The following VKORC1L1 variants were observed in gnomAD, a reference collection of about 807,000 sequenced individuals.
VKORC1L1 encodes the protein vitamin K epoxide reductase complex subunit 1-like protein 1.
A neutral mutation model predicts 18.9 loss-of-function variants in VKORC1L1; 2 were observed. The ratio of observed to expected loss-of-function variants is 0.11; its 90% CI spans 0.04 to 0.33. VKORC1L1 has a LOEUF of 0.33. VKORC1L1 is among the 10% of genes least tolerant of loss of function. VKORC1L1 has a pLI of 1.00. For synonymous variants in VKORC1L1, 96 were observed against 100.0 expected, an observed-to-expected ratio of 0.96 and a Z score of 0.24; for missense variants, 123 against 224.1, an observed-to-expected ratio of 0.55 and a Z score of 2.88.
At chr7:65,940,876 G>A (rs760818500) in intron 1 of VKORC1L1, among the ~76,000 whole-genome samples, 12 of 152,168 alleles carry the variant, frequency 7.9e-5, no homozygotes, top group East Asian at 1.9e-4. Context: ...TATTTTCTAC[G>A]GAATTGAGCC....
chr7:65,918,940 C>T (rs1789630896), intron 1 of VKORC1L1, among the ~76,000 whole-genome samples: 1 of 152,002 alleles, frequency 6.6e-6, no homozygotes, highest in Admixed American at 6.6e-5. Flanking sequence ...ACTAAAAATA[C>T]AAAAGTAATC....
chr7:65,911,844 T>A lies in VKORC1L1; in HGVS notation c.195-36827T>A, dbSNP rs185433536. Reference sequence around the variant, plus strand: ...TTGTGGTTTTGCTCTGATAGGCATTTTGCTCTGACTGGATGATTGTATCAT... The same window carrying A: ...TTGTGGTTTTGCTCTGATAGGCATTATGCTCTGACTGGATGATTGTATCAT... On this transcript the variant is annotated intron_variant, in intron 1 of 2. Coordinates refer to ENST00000360768, the MANE Select transcript of VKORC1L1 (RefSeq NM_173517.6). 2.6e-5 allele frequency among the ~76,000 whole-genome samples: 4 copies of A among 152,350 alleles called. No individual in the cohort carries two copies. The East Asian group carries it at 7.7e-4, about 29-fold the overall frequency.
intron 1 of VKORC1L1, among the ~76,000 whole-genome samples, chr7:65,898,836 A>G (rs902112528): frequency 2.6e-5 from 4 of 152,018 alleles, no homozygotes; most frequent in African/African-American, 7.3e-5. Context: ...TACTTCCCCT[A>G]CCCTTGGCAG....
chr7:65,938,800 G>A (rs1266534986), intron 1 of VKORC1L1, among the ~76,000 whole-genome samples: 3 of 152,292 alleles, frequency 2.0e-5, no homozygotes, highest in Admixed American at 6.5e-5. Context: ...CCTTGAAACA[G>A]CGAAGCCTTG....
intron 1 of VKORC1L1, among the ~76,000 whole-genome samples, chr7:65,895,504 TATATATATATATAC>T (rs1430839047): frequency 1.5e-4 from 14 of 92,246 alleles, no homozygotes; most frequent in Non-Finnish European, 2.2e-4. Context: ...TATATATATA[TATATATATATATAC>T]ACACACACAC....
chr7:65,947,891 A>G (rs1246314308), intron 1 of VKORC1L1, among the ~76,000 whole-genome samples: 1 of 152,108 alleles, frequency 6.6e-6, no homozygotes, highest in Non-Finnish European at 1.5e-5. Flanking sequence ...GGGTTTCACC[A>G]TGCTGGCCAG....
intron 1 of VKORC1L1, among the ~76,000 whole-genome samples, chr7:65,944,783 G>C (rs1790090038): frequency 6.6e-6 from 1 of 151,914 alleles, no homozygotes; most frequent in African/African-American, 2.4e-5. Flanking sequence ...CAGGCACGGT[G>C]GTGGATGCCT....
chr7:65,902,851 TTTTATTTA>T lies in VKORC1L1; in HGVS notation c.194+29310_194+29317del, dbSNP rs147563570. Among the ~76,000 whole-genome samples the T allele has an allele frequency of 8.1e-4, 123 of 151,196 alleles. 1 individual carries two copies. The highest frequency in any genetic ancestry group is 2.6e-3 in the African/African-American group (107 of 41,236). On this transcript the variant is annotated intron_variant, in intron 1 of 2. Transcript: ENST00000360768. ...AAATACAATTGAGAGACATCTTTAA[TTTTATTTA>T]TTTATTTATTTATTTATTTATTTTG...
At chr7:65,944,157 T>G (rs1790080366) in intron 1 of VKORC1L1, among the ~76,000 whole-genome samples, 1 of 151,762 alleles carries the variant, frequency 6.6e-6, no homozygotes, top group South Asian at 2.1e-4. Context: ...CACTTGAATC[T>G]AGAAGATGAG....
intron 1 of VKORC1L1, among the ~76,000 whole-genome samples, chr7:65,881,321 A>G (rs1163033476): frequency 1.3e-5 from 2 of 152,242 alleles, no homozygotes; most frequent in African/African-American, 4.8e-5. Context: ...ATTTTAATAT[A>G]TTAGAGACAA....
intron 1 of VKORC1L1, among the ~76,000 whole-genome samples, chr7:65,895,590 C>T (rs1248943650): frequency 7.2e-6 from 1 of 138,684 alleles, no homozygotes; most frequent in African/African-American, 2.6e-5. Flanking sequence ...ATAGGCTTTT[C>T]AAAACTTGAT....
chr7:65,878,919 AAAATT>A (rs1369441408), intron 1 of VKORC1L1, among the ~76,000 whole-genome samples: 1 of 152,202 alleles, frequency 6.6e-6, no homozygotes, highest in African/African-American at 2.4e-5. Flanking sequence ...AAAAAAAAGA[AAAATT>A]AAATTCTTGT....
chr7:65,909,737 T>TGTGA (rs1491345250), intron 1 of VKORC1L1, among the ~76,000 whole-genome samples: 173 of 145,266 alleles, frequency 1.2e-3, no homozygotes, highest in Admixed American at 4.5e-3. Flanking sequence ...TGTGTGTGTG[T>TGTGA]GACGGAGGCT....
intron 1 of VKORC1L1, among the ~76,000 whole-genome samples, chr7:65,881,204 T>G (rs1788922398): frequency 6.6e-6 from 1 of 152,228 alleles, no homozygotes; most frequent in African/African-American, 2.4e-5. Flanking sequence ...GAATCCCTGT[T>G]CTCTGTCAAT....
At chr7:65,899,541 T>C (rs180909999) in intron 1 of VKORC1L1, among the ~76,000 whole-genome samples, 159 of 152,294 alleles carry the variant, frequency 1.0e-3, no homozygotes, top group Non-Finnish European at 2.0e-3. Context: ...GAAGGACAAA[T>C]TGAAATGACT....
chr7:65,928,749 A>G (rs1346893606), intron 1 of VKORC1L1, among the ~76,000 whole-genome samples: 1 of 152,156 alleles, frequency 6.6e-6, no homozygotes. Context: ...TCTTGAGTAA[A>G]TGGGGTGGAG....
rs71051319 is a variant in VKORC1L1, at chr7:65,898,077, G to GTTTTT, written c.194+24537_194+24541dup. ...CAGTCATACAGTAAATTTGTAGCAGGTTTTTTTTTTTTTTTTTTTTTTTTT... is the reference window on the plus strand; with the variant it reads ...CAGTCATACAGTAAATTTGTAGCAGGTTTTTTTTTTTTTTTTTTTTTTTTTTTTTT... On this transcript the variant is annotated intron_variant, in intron 1 of 2. Coordinates refer to ENST00000360768, the MANE Select transcript of VKORC1L1 (RefSeq NM_173517.6). Among the ~76,000 whole-genome samples, 54 of 82,998 alleles carry GTTTTT rather than the reference G, an allele frequency of 6.5e-4. 6 individuals carry two copies. The highest frequency in any genetic ancestry group is 1.0e-3 in the Non-Finnish European group (43 of 41,634). 54.4% of individuals were successfully genotyped at this position (82,998 alleles called of 152,430 possible). A position where few individuals can be genotyped will look rare whatever the true frequency, so the allele number is the denominator to read the frequency against.
intron 1 of VKORC1L1, among the ~76,000 whole-genome samples, chr7:65,939,916 T>C (rs1790006712): frequency 6.6e-6 from 1 of 152,222 alleles, no homozygotes; most frequent in African/African-American, 2.4e-5. Flanking sequence ...AGAATTTTAA[T>C]GTAGACTATT....
At chr7:65,887,818 TC>T (rs897173664) in intron 1 of VKORC1L1, among the ~76,000 whole-genome samples, 31 of 152,338 alleles carry the variant, frequency 2.0e-4, no homozygotes, top group African/African-American at 7.2e-4. Context: ...TTGTTTTTTT[TC>T]CTGTCATTTA....
Sources: allele counts gnomAD v4.1 joint callset (sites outside exome capture counted in the v4.1 genomes callset), GRCh38; gene constraint gnomAD v4.1.1; transcripts MANE v1.5; gene names NCBI Gene and HGNC (gene_info 2026-07-23, HGNC 2026-07-21).